NEGR1: variants seen among roughly 807,000 people sequenced by gnomAD.
The protein encoded by NEGR1 is neuronal growth regulator 1.
Under a neutral mutation model 40.9 loss-of-function variants are expected in NEGR1, and 10 were observed. That is an observed-to-expected ratio of 0.24 (90% CI 0.15 to 0.42). NEGR1 has a LOEUF of 0.42. NEGR1 is among the 10% of genes least tolerant of loss of function. The pLI is 1.00. For missense variants in NEGR1, 352 were observed against 438.9 expected (o/e 0.80, Z 1.77); for synonymous variants, 185 against 166.8 (o/e 1.11, Z -0.84).
intron 3 of NEGR1, among the ~76,000 whole-genome samples, chr1:71,729,548 T>C (rs566519154): frequency 1.4e-4 from 22 of 152,310 alleles, no homozygotes; most frequent in Non-Finnish European, 2.2e-4. Flanking sequence ...TGTTGATTAA[T>C]GAAGGTTGTG....
intron 1 of NEGR1, among the ~76,000 whole-genome samples, chr1:72,152,979 T>C (rs1380224541): frequency 6.6e-6 from 1 of 151,836 alleles, no homozygotes; most frequent in Non-Finnish European, 1.5e-5. Context: ...TGGAGATTAC[T>C]GAGAGAAAGG....
intron 6 of NEGR1, among the ~76,000 whole-genome samples, chr1:71,447,973 G>A (rs1243063432): frequency 6.6e-6 from 1 of 152,224 alleles, no homozygotes; most frequent in Non-Finnish European, 1.5e-5. Flanking sequence ...GGGACTGGAA[G>A]AGGAAACTCT....
intron 4 of NEGR1, 64 bp downstream of exon 4, chr1:71,697,944 A>C: frequency 6.7e-7 from 1 of 1,499,656 alleles, no homozygotes; most frequent in Non-Finnish European, 9.0e-7. Flanking sequence ...AATTTCAGTC[A>C]GAATTTTTCA....
intron 1 of NEGR1, among the ~76,000 whole-genome samples, chr1:72,217,729 AAACAGCCCT>A (rs1427835125): frequency 2.6e-5 from 4 of 151,876 alleles, no homozygotes; most frequent in African/African-American, 4.8e-5. Context: ...CAAAACAGTG[AAACAGCCCT>A]AACAGTGGAA....
At chr1:71,968,692 T>C (rs1006816046) in intron 1 of NEGR1, among the ~76,000 whole-genome samples, 4 of 152,226 alleles carry the variant, frequency 2.6e-5, no homozygotes, top group African/African-American at 9.6e-5. Context: ...AAATGTAGTT[T>C]GCTCCTCTGT....
intron 3 of NEGR1, among the ~76,000 whole-genome samples, chr1:71,743,137 G>A (rs768862947): frequency 4.6e-5 from 7 of 152,106 alleles, no homozygotes; most frequent in Non-Finnish European, 1.0e-4. Context: ...CTGAAACTGT[G>A]AGAAATAAAT....
At chr1:71,512,044 G>A (rs12043828) in intron 6 of NEGR1, among the ~76,000 whole-genome samples, 38,760 of 151,950 alleles carry the variant, frequency 0.26, 6,305 homozygotes, top group East Asian at 0.61. Flanking sequence ...TAAATGATAC[G>A]ATGCATGAGA....
intron 2 of NEGR1, among the ~76,000 whole-genome samples, chr1:71,777,644 G>A (rs1656558684): frequency 6.6e-6 from 1 of 151,930 alleles, no homozygotes; most frequent in African/African-American, 2.4e-5. Flanking sequence ...GTTTCTTTAT[G>A]CAAGAGACAT....
chr1:71,914,229 C>A (rs573175721), intron 2 of NEGR1, among the ~76,000 whole-genome samples: 128 of 152,316 alleles, frequency 8.4e-4, no homozygotes, highest in Non-Finnish European at 9.3e-4. Flanking sequence ...GACAGGAATA[C>A]ATTATTTTCC....
intron 6 of NEGR1, among the ~76,000 whole-genome samples, chr1:71,575,151 C>T (rs1183911673): frequency 6.6e-6 from 1 of 152,174 alleles, no homozygotes; most frequent in Non-Finnish European, 1.5e-5. Context: ...ATATACATAT[C>T]TCTGCTAAGG....
intron 6 of NEGR1, among the ~76,000 whole-genome samples, chr1:71,410,067 A>G (rs1646305545): frequency 6.6e-6 from 1 of 152,092 alleles, no homozygotes; most frequent in South Asian, 2.1e-4. Context: ...CTTAACAAAG[A>G]TATTACCAAT....
chr1:71,728,481 CTT>C (rs1361068037), intron 3 of NEGR1, among the ~76,000 whole-genome samples: 2 of 152,156 alleles, frequency 1.3e-5, no homozygotes, highest in African/African-American at 2.4e-5. Context: ...AGACCACAGA[CTT>C]ACCCCATTAG....
chr1:71,584,856 C>T (rs957517816), intron 6 of NEGR1, among the ~76,000 whole-genome samples: 1 of 152,104 alleles, frequency 6.6e-6, no homozygotes, highest in African/African-American at 2.4e-5. Flanking sequence ...TCCTAATAGT[C>T]ACAACGCCAT....
chr1:72,153,256 G>C (rs953837090), intron 1 of NEGR1, among the ~76,000 whole-genome samples: 7 of 151,954 alleles, frequency 4.6e-5, no homozygotes, highest in African/African-American at 1.7e-4. Context: ...TATGCCCACA[G>C]ATGGCTTCTT....
intron 6 of NEGR1, among the ~76,000 whole-genome samples, chr1:71,553,852 G>A (rs1346137924): frequency 6.6e-6 from 1 of 151,200 alleles, no homozygotes; most frequent in Non-Finnish European, 1.5e-5. Context: ...CATATTATTA[G>A]CACACTTCTA....
At chr1:71,970,559 G>GA (rs1646247536) in intron 1 of NEGR1, among the ~76,000 whole-genome samples, 1 of 152,052 alleles carries the variant, frequency 6.6e-6, no homozygotes, top group Non-Finnish European at 1.5e-5. Flanking sequence ...AGGCATGGTA[G>GA]TGCGTGCCTG....
At chr1:72,123,206 G>A (rs1344259973) in intron 1 of NEGR1, among the ~76,000 whole-genome samples, 1 of 151,846 alleles carries the variant, frequency 6.6e-6, no homozygotes, top group Non-Finnish European at 1.5e-5. Flanking sequence ...ATAATGAAAT[G>A]ATGGTTTAAA....
chr1:71,873,760 G>C (rs1660346581), intron 2 of NEGR1, among the ~76,000 whole-genome samples: 1 of 152,126 alleles, frequency 6.6e-6, no homozygotes, highest in Admixed American at 6.6e-5. Flanking sequence ...TGTAGTGGGT[G>C]TTACTGTAAT....
At chr1:72,262,198 T>A (rs1655481152) in intron 1 of NEGR1, among the ~76,000 whole-genome samples, 1 of 151,986 alleles carries the variant, frequency 6.6e-6, no homozygotes, top group South Asian at 2.1e-4. Context: ...AAAGCCAGAA[T>A]GGTATTTCCC....
Sources: allele counts gnomAD v4.1 joint callset (sites outside exome capture counted in the v4.1 genomes callset), GRCh38; gene constraint gnomAD v4.1.1; transcripts MANE v1.5; gene names NCBI Gene and HGNC (gene_info 2026-07-23, HGNC 2026-07-21).